Variants in TRERF1 observed in about 807,000 individuals in gnomAD.
The protein encoded by TRERF1 is transcriptional regulating factor 1, also known as transcriptional-regulating factor 1.
In TRERF1, 27 loss-of-function variants were observed where a neutral mutation model predicts 122.9. The ratio of observed to expected loss-of-function variants is 0.22; its 90% CI spans 0.16 to 0.30. The LOEUF (loss-of-function observed/expected upper bound fraction) is 0.30, where lower values mean the gene tolerates loss of function less well. TRERF1 is among the 10% of genes least tolerant of loss of function. The pLI, the probability that TRERF1 is intolerant of heterozygous loss-of-function variation, is 1.00. For missense variants in TRERF1, 1,248 were observed against 1,560.3 expected, an observed-to-expected ratio of 0.80 and a Z score of 3.37; for synonymous variants, 636 against 641.7, an observed-to-expected ratio of 0.99 and a Z score of 0.13.
At chr6:42,377,313 G>A (rs191013956) in intron 2 of TRERF1, among the ~76,000 whole-genome samples, 8 of 152,234 alleles carry the variant, frequency 5.3e-5, no homozygotes, top group Admixed American at 5.2e-4. Flanking sequence ...AAGAAACCCC[G>A]TACCCATTCG....
rs190449603 is a variant in TRERF1 at position 42,325,268 on chromosome 6, C to T, written c.-370-24519G>A. 6.9e-4 allele frequency among the ~76,000 whole-genome samples: 105 copies of T among 152,190 alleles called. 1 individual carries two copies. Among genetic ancestry groups the T allele is most frequent in the African/African-American group, 2.0e-3 (82 of 41,526 alleles). ...AGTCAAAAAATAACAGATGTTAGCG[C>T]GGCTGTGGGGAAAAGGGAATGCTTA... On this transcript the variant is annotated intron_variant, in intron 3 of 17. Coordinates refer to ENST00000372922, the Ensembl canonical transcript of TRERF1.
At chr6:42,257,860 T>G (rs1356501234) in intron 10 of TRERF1, among the ~76,000 whole-genome samples, 3 of 152,186 alleles carry the variant, frequency 2.0e-5, no homozygotes, top group Non-Finnish European at 2.9e-5. Flanking sequence ...CCTGTGTCAC[T>G]GGGGATGAGA....
At chr6:42,416,182 G>A (rs987325554) in intron 2 of TRERF1, among the ~76,000 whole-genome samples, 3 of 151,860 alleles carry the variant, frequency 2.0e-5, no homozygotes, top group Admixed American at 6.6e-5. Flanking sequence ...GAATTCTCTT[G>A]TTTGTCTTTT....
exon 13 of TRERF1, chr6:42,254,903 C>T (rs143046982): frequency 1.9e-6 from 3 of 1,614,088 alleles, no homozygotes; most frequent in African/African-American, 1.3e-5. Flanking sequence ...CAGGCTTCCG[C>T]AGTAGCAGCA....
intron 2 of TRERF1, among the ~76,000 whole-genome samples, chr6:42,369,124 C>T (rs1048568994): frequency 3.9e-5 from 6 of 152,076 alleles, no homozygotes; most frequent in African/African-American, 1.4e-4. Flanking sequence ...TTGAGAACTG[C>T]TTATCTGCAG....
At chr6:42,387,933 G>A (rs1448049197) in intron 2 of TRERF1, among the ~76,000 whole-genome samples, 8 of 151,934 alleles carry the variant, frequency 5.3e-5, no homozygotes, top group South Asian at 2.1e-4. Context: ...TCAGCCTCCC[G>A]AGTAGCTGGA....
intron 2 of TRERF1, among the ~76,000 whole-genome samples, chr6:42,392,724 T>C (rs189570514): frequency 5.3e-4 from 81 of 152,202 alleles, no homozygotes; most frequent in African/African-American, 1.9e-3. Flanking sequence ...ATCCCAGCAA[T>C]TAAAGTCTTC....
At position 42,256,601 on chromosome 6, in the gene TRERF1, G is replaced by T; in HGVS notation, c.2580+127C>A. ...ACCCACCGAGAGAAGGAATAGGGAG[G>T]CGTGCTGATTGGTCATCATGCGCCG... On this transcript the variant is annotated intron_variant, in intron 12 of 17. Coordinates refer to ENST00000372922, the Ensembl canonical transcript of TRERF1. 5.6e-6 allele frequency: 4 copies of T among 711,858 alleles called. No individual in the cohort carries two copies. The Admixed American group carries it at 6.9e-5, about 12-fold the overall frequency. The allele number at this position is 711,858 out of a possible 1,614,324, so 44.1% of individuals were successfully genotyped here.
Position 42,232,526 on chromosome 6 carries a change from G to A in TRERF1, c.3278+155C>T, listed in dbSNP as rs1222113017. 2.6e-5 allele frequency among the ~76,000 whole-genome samples: 4 copies of A among 152,194 alleles called. No individual in the cohort carries two copies. Among genetic ancestry groups the A allele is most frequent in the African/African-American group, 9.7e-5 (4 of 41,438 alleles). The stretch of plus-strand genomic sequence containing the variant: ...ATGGCCATATTCTGAGTCTGCAACA[G>A]GACTACATACCCATCCCAAAGATGA... On this transcript the variant is annotated intron_variant, in intron 17 of 17. Transcript: ENST00000372922. The surrounding 1 kb of genome is among the most constrained non-coding windows in gnomAD (Gnocchi z 4.5).
intron 2 of TRERF1, among the ~76,000 whole-genome samples, chr6:42,408,228 TGTGTGTGTGTATGTATATATACATACAC>T (rs1202109232): frequency 5.1e-5 from 4 of 78,400 alleles, no homozygotes; most frequent in African/African-American, 4.0e-4. Context: ...TATATATATA[TGTGTGTGTGTATGTATATATACATACAC>T]ATGTGTGTGT....
chr6:42,443,783 G>A (rs569060835), intron 2 of TRERF1, among the ~76,000 whole-genome samples: 3 of 152,328 alleles, frequency 2.0e-5, no homozygotes, highest in East Asian at 1.9e-4. Context: ...GCAGCTACAC[G>A]TAGGGAACAA....
chr6:42,443,303 A>G (rs1188175274), intron 2 of TRERF1, among the ~76,000 whole-genome samples: 1 of 152,226 alleles, frequency 6.6e-6, no homozygotes, highest in Non-Finnish European at 1.5e-5. Flanking sequence ...TTTTCATAAT[A>G]AAGATCATTT....
At chr6:42,257,965 T>C (rs1239974398) in intron 10 of TRERF1, among the ~76,000 whole-genome samples, 170 bp downstream of exon 10, 1 of 152,256 alleles carries the variant, frequency 6.6e-6, no homozygotes, top group Non-Finnish European at 1.5e-5. Flanking sequence ...GCAAAGGCCT[T>C]GAAATACTGG....
At chr6:42,290,741 CTTT>C (rs144168592) in intron 4 of TRERF1, among the ~76,000 whole-genome samples, 17,674 of 90,582 alleles carry the variant, frequency 0.2, 605 homozygotes, top group East Asian at 0.26. Flanking sequence ...CATTTCTTTC[CTTT>C]TTTTTTTTTT....
chr6:42,403,504 C>T (rs1779718891), intron 2 of TRERF1, among the ~76,000 whole-genome samples: 1 of 152,126 alleles, frequency 6.6e-6, no homozygotes, highest in Non-Finnish European at 1.5e-5. Flanking sequence ...CCACCAGGAG[C>T]CAGGAGAGAG....
chr6:42,420,294 C>A (rs556946087), intron 2 of TRERF1, among the ~76,000 whole-genome samples: 1 of 152,290 alleles, frequency 6.6e-6, no homozygotes, highest in African/African-American at 2.4e-5. Flanking sequence ...AAAGAGGCCC[C>A]CTAAACTATG....
chr6:42,240,824 T>C (rs1773512860), intron 15 of TRERF1, among the ~76,000 whole-genome samples: 1 of 152,206 alleles, frequency 6.6e-6, no homozygotes, highest in South Asian at 2.1e-4. Context: ...ACATACACAT[T>C]GCTGTTTACA....
At chr6:42,371,815 A>C (rs1773820420) in intron 2 of TRERF1, among the ~76,000 whole-genome samples, 1 of 152,136 alleles carries the variant, frequency 6.6e-6, no homozygotes, top group Admixed American at 6.5e-5. Flanking sequence ...TCATCTGCTC[A>C]GGGGGAAATC....
chr6:42,271,669 T>C (rs1780245322), intron 4 of TRERF1, among the ~76,000 whole-genome samples: 1 of 152,254 alleles, frequency 6.6e-6, no homozygotes, highest in African/African-American at 2.4e-5. Flanking sequence ...TAACTATTTA[T>C]GTTTATAATT....
Sources: allele counts gnomAD v4.1 joint callset (sites outside exome capture counted in the v4.1 genomes callset), GRCh38; gene constraint gnomAD v4.1.1; non-coding constraint Gnocchi (gnomAD v3.1); transcripts MANE v1.5; gene names NCBI Gene and HGNC (gene_info 2026-07-23, HGNC 2026-07-21).